METTL8: variants seen among roughly 807,000 people sequenced by gnomAD.
The protein encoded by METTL8 is tRNA N(3)-cytidine methyltransferase METTL8, mitochondrial.
In METTL8, 32 loss-of-function variants were observed where a neutral mutation model predicts 48.7. The observed-to-expected ratio is 0.66, with a 90% CI of 0.50 to 0.88. The LOEUF (loss-of-function observed/expected upper bound fraction) is 0.88. Ranked by LOEUF, METTL8 falls within the 40% of genes least tolerant of loss-of-function variation. The pLI, the probability that METTL8 is intolerant of heterozygous loss-of-function variation, is 0.00. For synonymous variants in METTL8, 136 were observed against 157.1 expected (o/e 0.87, Z 1.01); for missense variants, 464 against 474.4 (o/e 0.98, Z 0.20).
rs535925041 is a variant in METTL8, at chr2:171,375,157, A to G, written c.144-14644T>C. The stretch of plus-strand genomic sequence containing the variant: ...TGCTGCGGCCTCCACTACGTTTCGA[A>G]TGACGAATTTCTTAATGGCCTTGTC... On this transcript the variant is annotated intron_variant, in intron 2 of 9. Transcript: ENST00000375258. 11 of 1,468,930 alleles carry G rather than the reference A, an allele frequency of 7.5e-6. No individual in the cohort carries two copies. The South Asian group carries it at 1.1e-4, about 15-fold the overall frequency. 91.0% of individuals were successfully genotyped at this position (1,468,930 alleles called of 1,614,324 possible). A position where few individuals can be genotyped will look rare whatever the true frequency, so the allele number is the denominator to read the frequency against.
At chr2:171,417,387 G>C (rs1362674113) in intron 1 of METTL8, among the ~76,000 whole-genome samples, 1 of 152,142 alleles carries the variant, frequency 6.6e-6, no homozygotes, top group African/African-American at 2.4e-5. Flanking sequence ...CAAAACTAAA[G>C]AACAAAAGTA....
chr2:171,373,111 G>T (rs1001561404), intron 2 of METTL8, among the ~76,000 whole-genome samples: 6 of 152,194 alleles, frequency 3.9e-5, no homozygotes, highest in African/African-American at 1.4e-4. Context: ...CAGTGTAAAA[G>T]TGTTCCTATT....
intron 2 of METTL8, among the ~76,000 whole-genome samples, chr2:171,386,858 A>T (rs1688103701): frequency 6.6e-6 from 1 of 152,104 alleles, no homozygotes; most frequent in Admixed American, 6.6e-5. Context: ...CAGCAGGCAG[A>T]CACACAGGTG....
intron 3 of METTL8, among the ~76,000 whole-genome samples, chr2:171,358,730 C>T (rs894940899): frequency 6.6e-6 from 1 of 152,130 alleles, no homozygotes; most frequent in Non-Finnish European, 1.5e-5. Context: ...GGGGGAAATG[C>T]TCCAGGACAT....
rs746264213 is a variant in METTL8 at position 171,339,201 on chromosome 2, T to A, written c.589A>T (p.Thr197Ser). Residue 197 changes from threonine (T) to serine (S), a missense_variant, in exon 4 of 10, where the codon ACT becomes TCT. Thr to Ser is a moderately conservative substitution (Grantham distance 58). Coordinates refer to ENST00000375258, the MANE Select transcript of METTL8 (RefSeq NM_001321154.2). ...CACAATACCTCTAGTATCCTGAAAGTGGCATTGCTACCAGGAAACAATCCA... is the reference window on the plus strand; with the variant it reads ...CACAATACCTCTAGTATCCTGAAAGAGGCATTGCTACCAGGAAACAATCCA... ...ETGLFPGSNATFRILEVGCGA... is the reference protein window; with the variant it reads ...ETGLFPGSNASFRILEVGCGA... The A allele has an allele frequency of 2.6e-6, 4 of 1,534,680 alleles. No individual in the cohort carries two copies. The African/African-American group carries it at 4.1e-5, about 16-fold the overall frequency.
At chr2:171,390,405 G>A (rs76416457) in intron 2 of METTL8, among the ~76,000 whole-genome samples, 4,745 of 152,212 alleles carry the variant, frequency 0.031, 81 homozygotes, top group East Asian at 0.05. Context: ...ACTACATTTC[G>A]TAAAGCTATA....
rs978577736 is a variant in METTL8 at position 171,371,023 on chromosome 2, A to G, written c.144-10510T>C. The stretch of plus-strand genomic sequence containing the variant: ...AGTACTCTGAAATTATAATTATTCT[A>G]TTTCATCAAATCCAATATGCTATTA... On this transcript the variant is annotated intron_variant, in intron 2 of 9. Transcript: ENST00000375258. 2.6e-5 allele frequency among the ~76,000 whole-genome samples: 4 copies of G among 152,192 alleles called. No individual in the cohort carries two copies. The East Asian group carries it at 5.8e-4, about 22-fold the overall frequency.
rs1262500851 is a variant in METTL8 at position 171,360,500 on chromosome 2, A to T, written c.157T>A (p.Trp53Arg). 7 of 1,613,392 alleles carry T rather than the reference A, an allele frequency of 4.3e-6. No individual in the cohort carries two copies. The East Asian group carries it at 1.6e-4, about 36-fold the overall frequency. The change falls in exon 3 of 10, where the codon TGG becomes AGG. Residue 53 changes from tryptophan to arginine, a missense_variant. Trp to Arg is a moderately radical substitution (Grantham distance 101). Coordinates refer to ENST00000375258, the MANE Select transcript of METTL8 (RefSeq NM_001321154.2). ...GCTGCTGCTTCTTCTTCCTTAGACC[A>T]CTGCATGTGATCCCTATTAAAAAAA... The part of the protein sequence containing the change: ...FEHNMWDHMQ[W>R]SKEEEAAARK...
intron 2 of METTL8, among the ~76,000 whole-genome samples, chr2:171,378,523 T>C (rs559524370): frequency 6.6e-6 from 1 of 151,956 alleles, no homozygotes; most frequent in African/African-American, 2.4e-5. Context: ...TCCCAGCTAC[T>C]TGGGAAGCTG....
At chr2:171,418,485 A>G (rs901742549) in intron 1 of METTL8, among the ~76,000 whole-genome samples, 1 of 152,160 alleles carries the variant, frequency 6.6e-6, no homozygotes, top group African/African-American at 2.4e-5. Flanking sequence ...TACACAAAAT[A>G]TTTGGAATTC....
chr2:171,434,605 T>C (rs1330567400), upstream of METTL8: 2 of 1,527,958 alleles, frequency 1.3e-6, no homozygotes, highest in Non-Finnish European at 1.7e-6. Flanking sequence ...GCCCAACGTG[T>C]GCAGCCGGCT....
chr2:171,387,336 T>C (rs1043943323), intron 2 of METTL8, among the ~76,000 whole-genome samples: 1 of 151,994 alleles, frequency 6.6e-6, no homozygotes, highest in Non-Finnish European at 1.5e-5. Context: ...ACTGAAGAAG[T>C]GAGCCACACC....
chr2:171,376,333 C>G (rs975290453), intron 2 of METTL8, among the ~76,000 whole-genome samples: 11 of 152,096 alleles, frequency 7.2e-5, no homozygotes, highest in African/African-American at 2.7e-4. Flanking sequence ...TCTTCCTATC[C>G]TGAGTTCCTT....
intron 2 of METTL8, among the ~76,000 whole-genome samples, chr2:171,365,765 T>C (rs1685654250): frequency 1.3e-5 from 2 of 152,212 alleles, no homozygotes; most frequent in African/African-American, 4.8e-5. Flanking sequence ...CTTACCCTCC[T>C]GCCACAAATA....
At chr2:171,433,996 G>C (rs1693507139), upstream of METTL8, 1 of 233,626 alleles carries the variant, frequency 4.3e-6, no homozygotes, top group Non-Finnish European at 8.6e-6. Flanking sequence ...TGAGTACCGG[G>C]GCAGTGAGGG....
At chr2:171,360,034 G>C (rs529494096) in intron 3 of METTL8, among the ~76,000 whole-genome samples, 2 of 152,128 alleles carry the variant, frequency 1.3e-5, no homozygotes, top group African/African-American at 4.8e-5. Context: ...TAAAACTTCA[G>C]CACCATTTTG....
chr2:171,387,717 CA>C (rs1434952801), intron 2 of METTL8, among the ~76,000 whole-genome samples: 1 of 151,994 alleles, frequency 6.6e-6, no homozygotes, highest in Non-Finnish European at 1.5e-5. Flanking sequence ...CATCTCAATT[CA>C]GCCCAGTTAT....
At position 171,392,076 on chromosome 2, in the gene METTL8, G is replaced by A; in HGVS notation, c.110C>T (p.Thr37Ile). Residue 37 changes from threonine (T) to isoleucine (I), a missense_variant, in exon 2 of 10, where the codon ACT (threonine) becomes ATT (isoleucine). Thr to Ile is a moderately conservative substitution (Grantham distance 89). Transcript: ENST00000375258. Reference protein sequence around the residue: ...PVAPLGSRILTDPAKVFEHNM... With the variant: ...PVAPLGSRILIDPAKVFEHNM... ...GTGTTCAAAAACTTTGGCTGGGTCAGTTAAAATCCTTGATCCCAGAGGGGC... is the reference window on the plus strand; with the variant it reads ...GTGTTCAAAAACTTTGGCTGGGTCAATTAAAATCCTTGATCCCAGAGGGGC... 6.4e-7 allele frequency: 1 copy of A among 1,551,654 alleles called. No homozygotes were observed. Among genetic ancestry groups the A allele is most frequent in the Non-Finnish European group, 8.7e-7 (1 of 1,146,946 alleles).
At chr2:171,364,683 C>A (rs1001258247) in intron 2 of METTL8, among the ~76,000 whole-genome samples, 1 of 152,126 alleles carries the variant, frequency 6.6e-6, no homozygotes, top group African/African-American at 2.4e-5. Flanking sequence ...TTAAAACACA[C>A]ACACACACAC....
Sources: gnomAD v4.1 joint callset for allele counts (sites outside exome capture counted in the v4.1 genomes callset) on GRCh38, gnomAD v4.1.1 for gene constraint, MANE v1.5 for transcripts, NCBI Gene and HGNC (gene_info 2026-07-23, HGNC 2026-07-21) for gene names.